The following CELF4 variants were observed in gnomAD, a reference collection of about 807,000 sequenced individuals.
CELF4 encodes the protein CUG-BP- and ETR-3-like factor 4.
A neutral mutation model predicts 59.9 loss-of-function variants in CELF4; 18 were observed. The observed-to-expected ratio is 0.30, with a 90% confidence interval of 0.21 to 0.45. The LOEUF (loss-of-function observed/expected upper bound fraction) is 0.45, where lower values mean the gene tolerates loss of function less well. Ranked by LOEUF, CELF4 falls within the 20% of genes least tolerant of loss-of-function variation. The pLI is 1.00. For missense variants in CELF4, 456 were observed against 689.0 expected, an observed-to-expected ratio of 0.66 and a Z score of 3.79; for synonymous variants, 261 against 267.1, an observed-to-expected ratio of 0.98 and a Z score of 0.22.
At chr18:37,261,849 G>T (rs2074725221) in intron 10 of CELF4, among the ~76,000 whole-genome samples, 1 of 152,206 alleles carries the variant, frequency 6.6e-6, no homozygotes, top group Non-Finnish European at 1.5e-5. Context: ...TGGCAGAAGG[G>T]TCCTCCCCTG....
At chr18:37,459,960 C>T (rs2099789025) in intron 2 of CELF4, among the ~76,000 whole-genome samples, 1 of 152,192 alleles carries the variant, frequency 6.6e-6, no homozygotes, top group African/African-American at 2.4e-5. Context: ...TATTGAAAGA[C>T]TTTTCAGAAA....
At chr18:37,496,668 A>G (rs1445164697) in intron 1 of CELF4, among the ~76,000 whole-genome samples, 1 of 152,246 alleles carries the variant, frequency 6.6e-6, no homozygotes, top group Non-Finnish European at 1.5e-5. Context: ...TCTTTTTAAA[A>G]GAAGAAAAAC....
intron 3 of CELF4, among the ~76,000 whole-genome samples, chr18:37,314,184 C>A (rs922334503): frequency 1.3e-5 from 2 of 152,332 alleles, no homozygotes; most frequent in East Asian, 3.9e-4. Context: ...CGGTGGCTCA[C>A]GCCTATAATC....
At chr18:37,508,885 G>A (rs1417247678) in intron 1 of CELF4, among the ~76,000 whole-genome samples, 2 of 152,202 alleles carry the variant, frequency 1.3e-5, no homozygotes, top group African/African-American at 4.8e-5. Flanking sequence ...TGTATGCTTG[G>A]AGAGAGAAGG....
chr18:37,275,358 G>C, intron 3 of CELF4, 115 bp from the exon 4 acceptor site: 1 of 1,169,618 alleles, frequency 8.5e-7, no homozygotes, highest in Non-Finnish European at 1.1e-6. Context: ...GGCGGGGCGG[G>C]GGCTCGGAGC....
chr18:37,517,420 G>T (rs531672405), intron 1 of CELF4, among the ~76,000 whole-genome samples: 3 of 152,136 alleles, frequency 2.0e-5, no homozygotes, highest in African/African-American at 7.2e-5. Flanking sequence ...GGCAGGGCGG[G>T]GTCCTCCAGG....
intron 2 of CELF4, among the ~76,000 whole-genome samples, chr18:37,355,843 C>T (rs1480704643): frequency 2.0e-5 from 3 of 152,242 alleles, no homozygotes; most frequent in African/African-American, 7.2e-5. Flanking sequence ...CTCTGTGCCA[C>T]TGCCCTTTGG....
intron 3 of CELF4, among the ~76,000 whole-genome samples, chr18:37,315,694 C>T (rs1223159498): frequency 6.6e-6 from 1 of 152,186 alleles, no homozygotes; most frequent in Non-Finnish European, 1.5e-5. Context: ...CAGTTCCGCA[C>T]ATGCACCCAG....
At chr18:37,325,260 G>A (rs370752366) in intron 2 of CELF4, among the ~76,000 whole-genome samples, 33 of 152,272 alleles carry the variant, frequency 2.2e-4, no homozygotes, top group African/African-American at 7.9e-4. Flanking sequence ...CTGTGTGGGA[G>A]GAAGGCTGGG....
At chr18:37,544,534 G>A (rs1321886293) in intron 1 of CELF4, among the ~76,000 whole-genome samples, 1 of 152,160 alleles carries the variant, frequency 6.6e-6, no homozygotes, top group Non-Finnish European at 1.5e-5. Context: ...TGAAAACAAA[G>A]AACTTGCACG....
chr18:37,314,340 A>G (rs554177786), intron 3 of CELF4, among the ~76,000 whole-genome samples: 86 of 152,284 alleles, frequency 5.6e-4, no homozygotes, highest in African/African-American at 2.0e-3. Context: ...CTGTAATCCC[A>G]GCTACTCTGG....
At chr18:37,331,147 C>G (rs58184699) in intron 2 of CELF4, among the ~76,000 whole-genome samples, 3 of 152,192 alleles carry the variant, frequency 2.0e-5, no homozygotes, top group South Asian at 4.1e-4. Context: ...TCCAGCGCTG[C>G]GCTGCCTGGG....
intron 2 of CELF4, among the ~76,000 whole-genome samples, chr18:37,443,491 G>A (rs1179573209): frequency 1.3e-5 from 2 of 152,164 alleles, no homozygotes; most frequent in Admixed American, 1.3e-4. Flanking sequence ...CCACCGAAGT[G>A]TGTGCATGTG....
At chr18:37,293,588 GAGA>G (rs952282639) in intron 3 of CELF4, among the ~76,000 whole-genome samples, 22 of 152,252 alleles carry the variant, frequency 1.4e-4, no homozygotes, top group African/African-American at 4.8e-4. Context: ...CAAATTTGGG[GAGA>G]AGACTACTTA....
intron 3 of CELF4, among the ~76,000 whole-genome samples, chr18:37,286,913 G>A (rs1043969068): frequency 4.6e-5 from 7 of 152,236 alleles, no homozygotes; most frequent in South Asian, 2.1e-4. Context: ...TGGCCTCCCC[G>A]CGAGACCCAG....
chr18:37,294,027 T>C (rs944790598), intron 3 of CELF4, among the ~76,000 whole-genome samples: 1 of 152,088 alleles, frequency 6.6e-6, no homozygotes, highest in Non-Finnish European at 1.5e-5. Context: ...TCACAAAGTT[T>C]CCAGAAATCT....
rs2067453802 is a variant in CELF4, at chr18:37,254,104, G to C, written c.1334-166C>G. ...GCCCGCCCCTCTCCAGCCCGCGCGC[G>C]CGTGCTAGGCCCCTCCGGGGGCAGG... On this transcript the variant is annotated intron_variant, in intron 11 of 12. Transcript: ENST00000420428. The surrounding 1 kb of genome is among the most constrained non-coding windows in gnomAD (Gnocchi z 5.1). The C allele has an allele frequency of 3.1e-6, 1 of 323,412 alleles. No homozygotes were observed. The highest frequency in any genetic ancestry group is 7.1e-5 in the East Asian group (1 of 14,090). 20.0% of individuals were successfully genotyped at this position (323,412 alleles called of 1,614,324 possible).
intron 3 of CELF4, among the ~76,000 whole-genome samples, chr18:37,303,502 C>CT (rs2096208515): frequency 6.6e-6 from 1 of 152,194 alleles, no homozygotes. Context: ...TAGCAAAAGG[C>CT]AGTCCCCACA....
intron 2 of CELF4, among the ~76,000 whole-genome samples, chr18:37,455,776 G>C (rs748248770): frequency 2.0e-5 from 3 of 152,154 alleles, no homozygotes; most frequent in African/African-American, 7.2e-5. Context: ...TCATATACCC[G>C]CAGCTGGGAC....
Sources: allele counts gnomAD v4.1 joint callset (sites outside exome capture counted in the v4.1 genomes callset), GRCh38; gene constraint gnomAD v4.1.1; non-coding constraint Gnocchi (gnomAD v3.1); transcripts MANE v1.5; gene names NCBI Gene and HGNC (gene_info 2026-07-23, HGNC 2026-07-21).